The following PPM1A variants were observed in gnomAD, a reference collection of about 807,000 sequenced individuals.
The protein encoded by PPM1A is protein phosphatase, Mg2+/Mn2+ dependent 1A.
A neutral mutation model predicts 35.0 loss-of-function variants in PPM1A; 7 were observed. The observed-to-expected ratio is 0.20, with a 90% confidence interval of 0.11 to 0.38. PPM1A has a LOEUF of 0.38. Ranked by LOEUF, PPM1A falls within the 10% of genes least tolerant of loss-of-function variation. The pLI, the probability that PPM1A is intolerant of heterozygous loss-of-function variation, is 1.00. For missense variants in PPM1A, 239 were observed against 467.8 expected (o/e 0.51, Z 4.51); for synonymous variants, 153 against 167.3 (o/e 0.91, Z 0.66).
chr14:60,248,816 C>T (rs1424786880), upstream of PPM1A: 1 of 152,554 alleles, frequency 6.6e-6, no homozygotes, highest in Non-Finnish European at 1.5e-5. Context: ...CTTCCGAGTC[C>T]CTACTTGGCC....
At chr14:60,270,740 TATC>T (rs139616284) in intron 1 of PPM1A, among the ~76,000 whole-genome samples, 3,277 of 150,878 alleles carry the variant, frequency 0.022, 142 homozygotes, top group African/African-American at 0.077. Flanking sequence ...TTATTTTAGT[TATC>T]ATATTTCATT....
intron 1 of PPM1A, among the ~76,000 whole-genome samples, chr14:60,261,046 A>G (rs980032512): frequency 2.6e-5 from 4 of 152,124 alleles, no homozygotes; most frequent in Non-Finnish European, 5.9e-5. Flanking sequence ...CTTCCCGAAA[A>G]TACCACTTAA....
chr14:60,249,516 G>A lies in PPM1A; in HGVS notation c.-182G>A. On this transcript the variant is annotated 5_prime_UTR_variant, in exon 1 of 6. Coordinates refer to ENST00000395076, the MANE Select transcript of PPM1A (RefSeq NM_021003.5). The surrounding 1 kb of genome is among the most constrained non-coding windows in gnomAD (Gnocchi z 4.5). ...CAGCCGGGGGCCCGGACGCAGCCCG[G>A]CTCCTCCCCTCCTCCGCCCCTTCCC... The A allele has an allele frequency of 1.0e-6, 1 of 985,030 alleles. No individual in the cohort carries two copies. The highest frequency in any genetic ancestry group is 1.7e-5 in the African/African-American group (1 of 57,234). 61.0% of individuals were successfully genotyped at this position (985,030 alleles called of 1,614,324 possible).
chr14:60,254,386 C>CG (rs1555339120), intron 1 of PPM1A, among the ~76,000 whole-genome samples: 2 of 151,890 alleles, frequency 1.3e-5, no homozygotes, highest in Non-Finnish European at 1.5e-5. Flanking sequence ...GGTTAAATTG[C>CG]GGATAAAGAG....
rs757003031 is a variant in PPM1A, at chr14:60,283,391, G to A, written c.688G>A (p.Asp230Asn). ...CCATGATATTGAAAGATCTGAAGAA[G>A]ATGATCAGTTCATTATCCTTGCATG... ...EVHDIERSEE[D>N]DQFIILACDG... The change falls in exon 2 of 6, where the codon GAT becomes AAT. Residue 230 changes from aspartate (D) to asparagine (N), a missense_variant. By Grantham distance (23) the Asp-to-Asn change is conservative (BLOSUM62 1). Around this residue, in one of 2 missense-constraint regions of PPM1A, gnomAD observed 175 missense variants for 389.2 expected, o/e 0.45. Transcript: ENST00000395076. The surrounding 1 kb of genome is among the most constrained non-coding windows in gnomAD (Gnocchi z 6.3). The A allele has an allele frequency of 6.2e-6, 10 of 1,614,082 alleles. No individual in the cohort carries two copies. The highest frequency in any genetic ancestry group is 1.6e-4 in the Middle Eastern group (1 of 6,084).
intron 1 of PPM1A, among the ~76,000 whole-genome samples, chr14:60,252,833 C>A (rs1449119936): frequency 2.0e-5 from 3 of 152,128 alleles, no homozygotes; most frequent in African/African-American, 4.8e-5. Flanking sequence ...CATTCTGAGT[C>A]TCCAGAATAT....
intron 4 of PPM1A, among the ~76,000 whole-genome samples, chr14:60,291,141 T>A (rs1452729990): frequency 3.9e-5 from 6 of 152,262 alleles, no homozygotes; most frequent in African/African-American, 1.4e-4. Context: ...ACTTTTTTTT[T>A]AATCTGTAAT....
At chr14:60,286,209 A>G (rs1886988058) in intron 3 of PPM1A, 1 of 986,056 alleles carries the variant, frequency 1.0e-6, no homozygotes, top group East Asian at 1.1e-4. Flanking sequence ...GCAACTTTAT[A>G]TACACAGCTT....
chr14:60,277,163 C>A, intron 1 of PPM1A: 1 of 483,900 alleles, frequency 2.1e-6, no homozygotes, highest in Non-Finnish European at 3.0e-6. Flanking sequence ...TTGGGATTTA[C>A]TATTTATGGA....
At chr14:60,269,048 G>C (rs1408026553) in intron 1 of PPM1A, among the ~76,000 whole-genome samples, 3 of 149,526 alleles carry the variant, frequency 2.0e-5, no homozygotes, top group Non-Finnish European at 4.4e-5. Flanking sequence ...TTCAATTAAT[G>C]TTTTAAGTGT....
chr14:60,264,385 A>C (rs1003307859), intron 1 of PPM1A, among the ~76,000 whole-genome samples: 3 of 151,984 alleles, frequency 2.0e-5, no homozygotes, highest in African/African-American at 7.3e-5. Context: ...ACCACTACTT[A>C]CTGTGTGACC....
rs1052121589 is a variant in PPM1A at position 60,296,043 on chromosome 14, G to A, written c.*3561G>A. ...TGACAGCAGTAACTCAGAGGAATAGGTAGTAGATTTCTGAAAATTATCCAG... is the reference window on the plus strand; with the variant it reads ...TGACAGCAGTAACTCAGAGGAATAGATAGTAGATTTCTGAAAATTATCCAG... On this transcript the variant is annotated 3_prime_UTR_variant, in exon 6 of 6. Transcript: ENST00000395076. This position sits in a 1 kb window ranked among gnomAD's most constrained non-coding sequence, Gnocchi z 4.4. The A allele has an allele frequency of 4.6e-5, 7 of 151,754 alleles. No individual in the cohort carries two copies. The highest frequency in any genetic ancestry group is 1.4e-4 in the African/African-American group (6 of 41,522). 9.4% of individuals were successfully genotyped at this position (151,754 alleles called of 1,614,324 possible).
intron 1 of PPM1A, among the ~76,000 whole-genome samples, chr14:60,263,757 CA>C (rs1303860647): frequency 6.6e-6 from 1 of 151,952 alleles, no homozygotes; most frequent in Non-Finnish European, 1.5e-5. Flanking sequence ...CGTTAGTTTT[CA>C]AAAAATACCT....
At chr14:60,277,966 A>G (rs1371201638) in intron 1 of PPM1A, among the ~76,000 whole-genome samples, 2 of 152,178 alleles carry the variant, frequency 1.3e-5, no homozygotes, top group East Asian at 1.9e-4. Flanking sequence ...AGATAAGGCA[A>G]TTTGCTATTG....
chr14:60,289,235 T>C lies in PPM1A; in HGVS notation c.953-571T>C, dbSNP rs1197601718. Among the ~76,000 whole-genome samples, 1 of 152,116 alleles carries C rather than the reference T, an allele frequency of 6.6e-6. No individual in the cohort carries two copies. Among genetic ancestry groups the C allele is most frequent in the African/African-American group, 2.4e-5 (1 of 41,438 alleles). ...TACAGTATATTGTTTAAAGGTACTT[T>C]AGAGAAGAATTAAACTGAGACAGTG... On this transcript the variant is annotated intron_variant, in intron 3 of 5. Transcript: ENST00000395076. This position sits in a 1 kb window ranked among gnomAD's most constrained non-coding sequence, Gnocchi z 4.1.
chr14:60,278,923 A>G (rs763573528), intron 1 of PPM1A, among the ~76,000 whole-genome samples: 1 of 152,198 alleles, frequency 6.6e-6, no homozygotes, highest in Non-Finnish European at 1.5e-5. Flanking sequence ...TGGTTCTCCA[A>G]AAAGATCATT....
intron 1 of PPM1A, among the ~76,000 whole-genome samples, chr14:60,256,542 A>G (rs1347844708): frequency 1.3e-5 from 2 of 152,246 alleles, no homozygotes; most frequent in African/African-American, 2.4e-5. Context: ...TTAGAGAACA[A>G]TGCTAATGAG....
intron 1 of PPM1A, among the ~76,000 whole-genome samples, chr14:60,257,772 C>T (rs983904965): frequency 6.6e-6 from 1 of 152,006 alleles, no homozygotes; most frequent in Non-Finnish European, 1.5e-5. Flanking sequence ...TACCAAAATT[C>T]AGAAATGAAA....
upstream of PPM1A, chr14:60,245,935 AG>A (rs1298612003): frequency 6.3e-7 from 1 of 1,580,420 alleles, no homozygotes; most frequent in Non-Finnish European, 8.6e-7. The surrounding 1 kb of genome is among the most constrained non-coding windows in gnomAD (Gnocchi z 4.2). Context: ...GGGGAAGAGA[AG>A]GGCAAAGAAG....
Sources: allele counts gnomAD v4.1 joint callset (sites outside exome capture counted in the v4.1 genomes callset), GRCh38; gene constraint gnomAD v4.1.1; regional missense constraint gnomAD v4.1.1; non-coding constraint Gnocchi (gnomAD v3.1); transcripts MANE v1.5; gene names NCBI Gene and HGNC (gene_info 2026-07-23, HGNC 2026-07-21).